The following ATM variants were observed in gnomAD, a reference collection of about 807,000 sequenced individuals.
ATM encodes serine-protein kinase ATM.
In ATM, 308 loss-of-function variants were observed where a neutral mutation model predicts 387.0. The observed-to-expected ratio is 0.80, with a 90% CI of 0.73 to 0.87. The LOEUF (loss-of-function observed/expected upper bound fraction) is 0.87. ATM is among the 40% of genes least tolerant of loss of function. ATM has a pLI of 0.00. For synonymous variants in ATM, 1,156 were observed against 1,187.3 expected, an observed-to-expected ratio of 0.97 and a Z score of 0.54; for missense variants, 3,312 against 3,560.9, an observed-to-expected ratio of 0.93 and a Z score of 1.78.
rs2229022 is a variant in ATM, at chr11:108,267,198, C to T, written c.2494C>T (p.Arg832Cys). 2.5e-4 allele frequency: 411 copies of T among 1,613,948 alleles called. No individual in the cohort carries two copies. Among genetic ancestry groups the T allele is most frequent in the Middle Eastern group, 1.6e-3 (10 of 6,062 alleles). The part of the protein sequence containing the change: ...LASFIKKPFD[R>C]GEVESMEDDT... ...ATCCTTCATCAAAAAGCCATTTGAC[C>T]GTGGAGAAGTAGAATCAATGGAAGA... The change falls in exon 17 of 63, where the codon CGT (arginine) becomes TGT (cysteine). Residue 832 changes from arginine to cysteine, a missense_variant. Arg to Cys is a radical substitution (Grantham distance 180, BLOSUM62 -3). Around this residue, in one of 4 missense-constraint regions of ATM, gnomAD observed 1,791 missense variants for 1,804.5 expected, o/e 0.99. Coordinates refer to ENST00000675843, the MANE Select transcript of ATM (RefSeq NM_000051.4).
intron 56 of ATM, among the ~76,000 whole-genome samples, chr11:108,342,093 G>GT (rs35119654): frequency 0.018 from 2,675 of 151,140 alleles, 74 homozygotes; most frequent in African/African-American, 0.061. Context: ...TTTTTTTGCA[G>GT]TTTTTTTTTC....
At chr11:108,233,442 A>C (rs567329536) in intron 4 of ATM, among the ~76,000 whole-genome samples, 1 of 151,848 alleles carries the variant, frequency 6.6e-6, no homozygotes, top group East Asian at 1.9e-4. Flanking sequence ...GGTGGTGACC[A>C]CCTGTAGTCC....
At chr11:108,266,085 A>G (rs923819081) in intron 16 of ATM, among the ~76,000 whole-genome samples, 3 of 151,968 alleles carry the variant, frequency 2.0e-5, no homozygotes, top group South Asian at 2.1e-4. Context: ...GTGATTCCTC[A>G]GGGATCTAGA....
chr11:108,325,896 G>A (rs558194164), intron 46 of ATM, among the ~76,000 whole-genome samples, 162 bp from the exon 47 acceptor site: 1 of 152,146 alleles, frequency 6.6e-6, no homozygotes, highest in Non-Finnish European at 1.5e-5. Context: ...AGGCAGACGT[G>A]GGGTGGGGAG....
chr11:108,275,370 TA>T (rs2081884637), intron 22 of ATM, among the ~76,000 whole-genome samples: 1 of 152,204 alleles, frequency 6.6e-6, no homozygotes, highest in African/African-American at 2.4e-5. Flanking sequence ...CATTTAAGGT[TA>T]ATATTGTTAT....
chr11:108,355,278 A>G lies in ATM; in HGVS notation c.8850+404A>G, dbSNP rs1455379813. On this transcript the variant is annotated intron_variant, in intron 61 of 62. Coordinates refer to ENST00000675843, the MANE Select transcript of ATM (RefSeq NM_000051.4). ...TCAGACAAATGGAGATCAAATTGTCAGCATCATTACTAGAGGAACATGGCT... is the reference window on the plus strand; with the variant it reads ...TCAGACAAATGGAGATCAAATTGTCGGCATCATTACTAGAGGAACATGGCT... The G allele has an allele frequency of 2.1e-5, 5 of 234,530 alleles. No homozygotes were observed. The East Asian group carries it at 5.3e-4, about 25-fold the overall frequency. 14.5% of individuals were successfully genotyped at this position (234,530 alleles called of 1,614,324 possible).
rs1475262731 is a variant in ATM, at chr11:108,330,285, A to C, written c.7379A>C (p.Lys2460Thr). ...LALRALKEDR[K>T]RFLCKAVENY... ...CTGCGTGCACTGAAAGAGGATCGTA[A>C]ACGCTTCTTATGTAAAGCAGTTGAA... Residue 2460 changes from lysine (K) to threonine (T), a missense_variant, in exon 50 of 63, where the codon AAA becomes ACA. Physicochemically the swap from Lys to Thr is moderately conservative, Grantham distance 78. Around this residue, in one of 4 missense-constraint regions of ATM, gnomAD observed 1,405 missense variants for 1,604.4 expected, o/e 0.88. Transcript: ENST00000675843. 6.2e-7 allele frequency: 1 copy of C among 1,614,214 alleles called. No individual in the cohort carries two copies. Among genetic ancestry groups the C allele is most frequent in the South Asian group, 1.1e-5 (1 of 91,092 alleles).
intron 33 of ATM, among the ~76,000 whole-genome samples, chr11:108,298,630 A>G (rs2083247267): frequency 6.6e-6 from 1 of 152,244 alleles, no homozygotes; most frequent in African/African-American, 2.4e-5. Context: ...AAGATCAGGA[A>G]TGAGACAAGG....
At chr11:108,257,908 A>G (rs2080607817) in intron 15 of ATM, among the ~76,000 whole-genome samples, 1 of 151,492 alleles carries the variant, frequency 6.6e-6, no homozygotes, top group Non-Finnish European at 1.5e-5. Context: ...ACAGTCTCTC[A>G]CTCTTTCACC....
intron 26 of ATM, among the ~76,000 whole-genome samples, chr11:108,286,312 CAAAAAAAAAAA>C (rs34917552): frequency 8.5e-5 from 4 of 47,198 alleles, no homozygotes; most frequent in Non-Finnish European, 1.5e-4. Flanking sequence ...GATTTCGTCT[CAAAAAAAAAAA>C]AAAAAAAAAA....
chr11:108,285,514 T>C lies in ATM; in HGVS notation c.3993+1041T>C, dbSNP rs930361676. 2.6e-5 allele frequency among the ~76,000 whole-genome samples: 4 copies of C among 152,194 alleles called. No individual in the cohort carries two copies. The East Asian group carries it at 5.8e-4, about 22-fold the overall frequency. On this transcript the variant is annotated intron_variant, in intron 26 of 62. Coordinates refer to ENST00000675843, the MANE Select transcript of ATM (RefSeq NM_000051.4). ...CAAATTTTTTAAGATAAAAAAGCTG[T>C]GGTCACCCCACATTTATGTATGTAT...
At position 108,271,356 on chromosome 11, in the gene ATM, G is replaced by A. The variant is rs1060504299; in HGVS notation, c.3027G>A (p.Glu1009=). Residue 1009 remains glutamate (E), a synonymous_variant, in exon 20 of 63, where the codon GAG becomes GAA. Transcript: ENST00000675843. The part of the protein sequence containing the change: ...KNLGQSNMDS[E]NTRDAQGQFL... ...TAGGTCAAAGCAATATGGACTCTGAGAACACAAGGGATGCTCAAGGACAGT... is the reference window on the plus strand; with the variant it reads ...TAGGTCAAAGCAATATGGACTCTGAAAACACAAGGGATGCTCAAGGACAGT... The A allele has an allele frequency of 1.2e-6, 2 of 1,613,922 alleles. No individual in the cohort carries two copies. Among genetic ancestry groups the A allele is most frequent in the Non-Finnish European group, 1.7e-6 (2 of 1,179,972 alleles).
intron 56 of ATM, among the ~76,000 whole-genome samples, chr11:108,341,463 T>C (rs1203916744): frequency 6.6e-6 from 1 of 152,186 alleles, no homozygotes; most frequent in African/African-American, 2.4e-5. Context: ...ATAGTCTTCA[T>C]CTGCCTTTTT....
intron 56 of ATM, among the ~76,000 whole-genome samples, chr11:108,338,987 A>G (rs1454958567): frequency 6.6e-6 from 1 of 152,206 alleles, no homozygotes; most frequent in Non-Finnish European, 1.5e-5. Flanking sequence ...TACATTGACT[A>G]CCTGGAACTA....
chr11:108,266,565 G>T (rs1469540810), intron 16 of ATM, among the ~76,000 whole-genome samples: 1 of 151,388 alleles, frequency 6.6e-6, no homozygotes, highest in Non-Finnish European at 1.5e-5. Flanking sequence ...CAGCACACCA[G>T]CATGGCACAT....
At chr11:108,336,090 A>G (rs2086819746) in intron 56 of ATM, 129 bp downstream of exon 56, 6 of 692,292 alleles carry the variant, frequency 8.7e-6, no homozygotes, top group Non-Finnish European at 1.5e-5. Context: ...TGAGGCCAGG[A>G]GTTCGAGACC....
chr11:108,249,213 T>C, intron 9 of ATM, 111 bp downstream of exon 9: 9 of 1,262,872 alleles, frequency 7.1e-6, no homozygotes, highest in Admixed American at 1.7e-5. Flanking sequence ...GTCATTTGTC[T>C]ACCCCCAAAC....
chr11:108,308,015 A>T (rs371707930), intron 38 of ATM, 31 bp downstream of exon 38: 88 of 1,563,336 alleles, frequency 5.6e-5, no homozygotes, highest in Non-Finnish European at 7.7e-5. Context: ...TCTTACGTTT[A>T]GGATCTAGAG....
chr11:108,300,962 T>C (rs1338499117), intron 34 of ATM, among the ~76,000 whole-genome samples: 2 of 147,968 alleles, frequency 1.4e-5, no homozygotes, highest in Non-Finnish European at 3.0e-5. Flanking sequence ...ACATCATAGA[T>C]CATAGCTGAC....
Sources: allele counts gnomAD v4.1 joint callset (sites outside exome capture counted in the v4.1 genomes callset), GRCh38; gene constraint gnomAD v4.1.1; regional missense constraint gnomAD v4.1.1; transcripts MANE v1.5; gene names NCBI Gene and HGNC (gene_info 2026-07-23, HGNC 2026-07-21).